DOCK1: variants seen among roughly 807,000 people sequenced by gnomAD.
DOCK1 encodes the protein dedicator of cytokinesis protein 1.
Under a neutral mutation model 262.7 loss-of-function variants are expected in DOCK1, and 138 were observed. The ratio of observed to expected loss-of-function variants is 0.53; its 90% CI spans 0.46 to 0.61. The LOEUF is 0.61. DOCK1 is among the 20% of genes least tolerant of loss of function. The pLI, the probability that DOCK1 is intolerant of heterozygous loss-of-function variation, is 0.00. For synonymous variants in DOCK1, 866 were observed against 867.4 expected (o/e 1.00, Z 0.03); for missense variants, 1,908 against 2,370.7 (o/e 0.80, Z 4.05).
At chr10:127,395,453 C>T (rs2066766609) in intron 38 of DOCK1, among the ~76,000 whole-genome samples, 1 of 152,178 alleles carries the variant, frequency 6.6e-6, no homozygotes, top group Non-Finnish European at 1.5e-5. Context: ...AATGCCAACA[C>T]CTTGAAGGTG....
chr10:126,909,026 A>G (rs887307073), intron 1 of DOCK1, among the ~76,000 whole-genome samples: 2 of 152,212 alleles, frequency 1.3e-5, no homozygotes, highest in African/African-American at 4.8e-5. Flanking sequence ...AATATGTTAC[A>G]TGGCAAAAGG....
At chr10:127,364,736 C>G (rs1176081991) in intron 33 of DOCK1, among the ~76,000 whole-genome samples, 1 of 152,070 alleles carries the variant, frequency 6.6e-6, no homozygotes, top group Non-Finnish European at 1.5e-5. Context: ...GTAGAGAGGG[C>G]TTTAGTTTAA....
chr10:127,322,434 C>T (rs535424168), intron 29 of DOCK1, among the ~76,000 whole-genome samples: 37 of 152,158 alleles, frequency 2.4e-4, no homozygotes, highest in African/African-American at 8.7e-4. Flanking sequence ...AAGTGAACCA[C>T]CCATCTCAGC....
intron 2 of DOCK1, 91 bp from the exon 3 acceptor site, chr10:126,977,857 G>T: frequency 7.8e-7 from 1 of 1,283,670 alleles, no homozygotes; most frequent in Non-Finnish European, 1.1e-6. Flanking sequence ...CACTGGTTCT[G>T]CCAAACAGTG....
At chr10:127,434,887 C>T (rs1454919791) in intron 48 of DOCK1, among the ~76,000 whole-genome samples, 2 of 152,148 alleles carry the variant, frequency 1.3e-5, no homozygotes, top group Admixed American at 1.3e-4. Flanking sequence ...CTCCTGACCT[C>T]ATGATCCGCC....
intron 29 of DOCK1, among the ~76,000 whole-genome samples, chr10:127,312,444 G>A (rs1364608877): frequency 6.6e-6 from 1 of 152,148 alleles, no homozygotes; most frequent in Non-Finnish European, 1.5e-5. Context: ...GGCACAGGCT[G>A]CTTCTTGCAT....
intron 32 of DOCK1, 128 bp downstream of exon 32, chr10:127,354,855 C>A: frequency 9.0e-7 from 1 of 1,110,610 alleles, no homozygotes; most frequent in African/African-American, 1.6e-5. Flanking sequence ...ACAGCAGTTG[C>A]TACTCTTTGT....
intron 34 of DOCK1, 24 bp from the exon 35 acceptor site, chr10:127,374,034 A>C (rs1385330694): frequency 6.3e-7 from 1 of 1,588,690 alleles, no homozygotes; most frequent in Non-Finnish European, 8.6e-7. Flanking sequence ...TGTGATTAAC[A>C]AGGTGTGTAT....
chr10:126,973,578 G>C (rs930138445), intron 2 of DOCK1, among the ~76,000 whole-genome samples: 1 of 152,100 alleles, frequency 6.6e-6, no homozygotes, highest in East Asian at 1.9e-4. Flanking sequence ...AAATATTTCA[G>C]TCTTTGTAAA....
At chr10:127,306,566 C>T (rs892900266) in intron 29 of DOCK1, among the ~76,000 whole-genome samples, 1 of 152,066 alleles carries the variant, frequency 6.6e-6, no homozygotes, top group African/African-American at 2.4e-5. Flanking sequence ...GCTCTCGGGT[C>T]GCTGGGAGAT....
intron 23 of DOCK1, among the ~76,000 whole-genome samples, chr10:127,096,435 C>CATAT (rs2047915126): frequency 6.6e-6 from 1 of 152,096 alleles, no homozygotes; most frequent in East Asian, 1.9e-4. Context: ...ATTTGTGGAC[C>CATAT]ATATATATTT....
intron 16 of DOCK1, among the ~76,000 whole-genome samples, chr10:127,029,206 G>A (rs1280904526): frequency 1.3e-5 from 2 of 152,204 alleles, no homozygotes; most frequent in East Asian, 1.9e-4. Context: ...AACATGTTGA[G>A]CATCGCAGGT....
At chr10:127,280,870 A>T (rs1283226263) in intron 29 of DOCK1, among the ~76,000 whole-genome samples, 1 of 152,172 alleles carries the variant, frequency 6.6e-6, no homozygotes, top group African/African-American at 2.4e-5. Flanking sequence ...AATATTTTCA[A>T]CTTTACCATT....
intron 2 of DOCK1, among the ~76,000 whole-genome samples, chr10:126,977,101 T>TA (rs2038600650): frequency 6.6e-6 from 1 of 151,904 alleles, no homozygotes; most frequent in African/African-American, 2.4e-5. Context: ...TGTTTGGGAG[T>TA]AAAAAATCAT....
chr10:127,020,040 T>A (rs1411784180), intron 13 of DOCK1, among the ~76,000 whole-genome samples: 1 of 152,174 alleles, frequency 6.6e-6, no homozygotes, highest in Non-Finnish European at 1.5e-5. Flanking sequence ...CTGTTGTGGG[T>A]CATTGAATAG....
intron 29 of DOCK1, among the ~76,000 whole-genome samples, chr10:127,338,491 TG>T: frequency 6.6e-6 from 1 of 152,328 alleles, no homozygotes; most frequent in South Asian, 2.1e-4. Context: ...AGTAAAATAG[TG>T]GTCAAAATTA....
chr10:127,434,607 A>G (rs1160869522), intron 48 of DOCK1, among the ~76,000 whole-genome samples: 1 of 150,358 alleles, frequency 6.7e-6, no homozygotes. Context: ...TTAAACACTA[A>G]CTTTGCATTC....
Position 127,023,222 on chromosome 10 carries a change from T to C in DOCK1, c.1350T>C (p.Tyr450=), listed in dbSNP as rs7087206. ...IMPGDVRNDI[Y]VTLVQGDFDK... Reference sequence around the variant, plus strand: ...CAGGTGATGTTCGAAATGATATCTATGTAACATTAGTTCAAGGAGATTTTG... The same window carrying C: ...CAGGTGATGTTCGAAATGATATCTACGTAACATTAGTTCAAGGAGATTTTG... The change falls in exon 14 of 52, where the codon TAT becomes TAC. Residue 450 remains tyrosine (Y), a synonymous_variant. Transcript: ENST00000623213. 14,648 of 1,613,906 alleles carry C rather than the reference T, an allele frequency of 9.1e-3. 1,082 individuals are homozygous for C. The African/African-American group carries it at 0.16, about 18-fold the overall frequency.
At chr10:127,348,994 G>C (rs747663548) in intron 31 of DOCK1, among the ~76,000 whole-genome samples, 1 of 152,120 alleles carries the variant, frequency 6.6e-6, no homozygotes, top group Non-Finnish European at 1.5e-5. Context: ...CAGGGAGTTA[G>C]ACTTAACAAG....
Sources: gnomAD v4.1 joint callset for allele counts (sites outside exome capture counted in the v4.1 genomes callset) on GRCh38, gnomAD v4.1.1 for gene constraint, MANE v1.5 for transcripts, NCBI Gene and HGNC (gene_info 2026-07-23, HGNC 2026-07-21) for gene names.